The following ZFR variants were observed in gnomAD, a reference collection of about 807,000 sequenced individuals.
The protein encoded by ZFR is zinc finger RNA binding protein, also known as zinc finger RNA-binding protein.
A neutral mutation model predicts 130.7 loss-of-function variants in ZFR; 19 were observed. The observed-to-expected ratio is 0.15, with a 90% CI of 0.10 to 0.21. The LOEUF (loss-of-function observed/expected upper bound fraction) is 0.21, where lower values mean the gene tolerates loss of function less well. Among genes scored for constraint, ZFR ranks in the 10% least tolerant of loss-of-function variants. ZFR has a pLI of 1.00. For missense variants in ZFR, 872 were observed against 1,321.5 expected (o/e 0.66, Z 5.27); for synonymous variants, 466 against 456.9 (o/e 1.02, Z -0.25).
rs750602279 is a variant in ZFR, at chr5:32,403,177, T to A, written c.1445A>T (p.Asn482Ile). The change falls in exon 8 of 20, where the codon AAC (asparagine) becomes ATC (isoleucine). Residue 482 changes from asparagine (N) to isoleucine (I), a missense_variant. Asn to Ile is a moderately radical substitution (Grantham distance 149). Coordinates refer to ENST00000265069, the MANE Select transcript of ZFR (RefSeq NM_016107.5). ...TGNSSLNSTS[N>I]TKVSAVPTNM... ...TGTAGGCACTGCTGATACTTTAGTG[T>A]TAGATGTGCTATTAAGAGACGAGTT... The A allele has an allele frequency of 3.1e-6, 5 of 1,614,084 alleles. No homozygotes were observed. The Admixed American group carries it at 8.3e-5, about 27-fold the overall frequency.
At chr5:32,434,794 TAAAA>T (rs1561927288) in intron 2 of ZFR, among the ~76,000 whole-genome samples, 4 of 152,142 alleles carry the variant, frequency 2.6e-5, no homozygotes. Context: ...CTCTAAGAAA[TAAAA>T]GTCATGGAAT....
chr5:32,411,351 G>A (rs1753703465), intron 5 of ZFR, among the ~76,000 whole-genome samples: 1 of 152,136 alleles, frequency 6.6e-6, no homozygotes. Flanking sequence ...GTCGCTCTCT[G>A]TATCCATCGG....
intron 2 of ZFR, among the ~76,000 whole-genome samples, chr5:32,433,012 A>C (rs1157220509): frequency 6.6e-6 from 1 of 152,062 alleles, no homozygotes; most frequent in African/African-American, 2.4e-5. Flanking sequence ...GATTATAGAC[A>C]TGAACCACTG....
At chr5:32,426,749 A>G (rs1754080720) in intron 2 of ZFR, among the ~76,000 whole-genome samples, 1 of 152,132 alleles carries the variant, frequency 6.6e-6, no homozygotes. Context: ...TAAAACTACA[A>G]TAAATTAGCC....
At chr5:32,431,735 A>G (rs1035236272) in intron 2 of ZFR, among the ~76,000 whole-genome samples, 3 of 151,540 alleles carry the variant, frequency 2.0e-5, no homozygotes, top group Non-Finnish European at 4.4e-5. Context: ...GAAACTACTG[A>G]CATTTAAATG....
At chr5:32,431,147 G>C (rs111287040) in intron 2 of ZFR, among the ~76,000 whole-genome samples, 3 of 152,162 alleles carry the variant, frequency 2.0e-5, no homozygotes, top group African/African-American at 7.2e-5. Context: ...ATTTACTTTA[G>C]AAAGAATAAA....
intron 19 of ZFR, 84 bp downstream of exon 19, chr5:32,363,864 T>G: frequency 1.7e-6 from 2 of 1,147,564 alleles, no homozygotes; most frequent in Non-Finnish European, 2.5e-6. Flanking sequence ...TATAGTGACT[T>G]ATAATATTCC....
intron 17 of ZFR, among the ~76,000 whole-genome samples, chr5:32,370,924 T>C (rs530880278): frequency 6.6e-6 from 1 of 152,348 alleles, no homozygotes; most frequent in South Asian, 2.1e-4. Context: ...ACTTAAGGAT[T>C]TGTTCAAAGT....
At chr5:32,378,970 G>T (rs1227897013) in intron 17 of ZFR, 145 bp downstream of exon 17, 1 of 551,106 alleles carries the variant, frequency 1.8e-6, no homozygotes, top group East Asian at 3.1e-5. Flanking sequence ...AACATTCTAA[G>T]ACTCCCCCAG....
intron 2 of ZFR, among the ~76,000 whole-genome samples, chr5:32,437,545 G>A (rs1581719663): frequency 6.6e-6 from 1 of 152,144 alleles, no homozygotes; most frequent in African/African-American, 2.4e-5. Flanking sequence ...CTGACAGAGT[G>A]GTGTCATGGA....
chr5:32,366,199 A>G (rs145327430), intron 17 of ZFR, among the ~76,000 whole-genome samples: 1 of 152,222 alleles, frequency 6.6e-6, no homozygotes, highest in Admixed American at 6.5e-5. Context: ...ATAAACCAAG[A>G]GTAATAATTA....
chr5:32,418,064 T>C (rs1167128504), intron 3 of ZFR, among the ~76,000 whole-genome samples: 1 of 151,948 alleles, frequency 6.6e-6, no homozygotes, highest in Non-Finnish European at 1.5e-5. Context: ...ATAAAGACCA[T>C]CCTGGCTAAC....
Position 32,438,252 on chromosome 5 carries a change from A to ATTTTTTTTTTT in ZFR, c.137+5976_137+5977insAAAAAAAAAAA, listed in dbSNP as rs1561930577. Among the ~76,000 whole-genome samples, 3 of 83,476 alleles carry ATTTTTTTTTTT rather than the reference A, an allele frequency of 3.6e-5. 1 individual carries two copies. 54.8% of individuals were successfully genotyped at this position (83,476 alleles called of 152,430 possible). ...AAGAATGCTACTGATTTTATCTGAA[A>ATTTTTTTTTTT]ATTTTTTTTTTTTTTTTTTTTTTTT... On this transcript the variant is annotated intron_variant, in intron 2 of 19. Coordinates refer to ENST00000265069, the MANE Select transcript of ZFR (RefSeq NM_016107.5).
At position 32,387,615 on chromosome 5, in the gene ZFR, C is replaced by G; in HGVS notation, c.2433G>C (p.Leu811=). The change falls in exon 14 of 20, where the codon CTG becomes CTC. Residue 811 remains leucine, a synonymous_variant. Transcript: ENST00000265069. ...RGDRNVNLVL[L]CSEKPSKTLL... is the part of the protein sequence containing the mutation. ...ATGTCTTTGAAGGTTTCTCTGAGCA[C>G]AGCAAAACAAGGTTGACATTTCTAT... 1 of 1,613,614 alleles carries G rather than the reference C, an allele frequency of 6.2e-7. No homozygotes were observed. The highest frequency in any genetic ancestry group is 1.1e-5 in the South Asian group (1 of 91,022).
intron 2 of ZFR, among the ~76,000 whole-genome samples, chr5:32,434,965 T>C (rs763400810): frequency 3.9e-5 from 6 of 152,182 alleles, no homozygotes; most frequent in Non-Finnish European, 7.4e-5. Context: ...TCACCCAGGC[T>C]GGAGTGCAGT....
At chr5:32,414,679 T>A (rs1000958770) in intron 5 of ZFR, among the ~76,000 whole-genome samples, 1 of 152,172 alleles carries the variant, frequency 6.6e-6, no homozygotes, top group South Asian at 2.1e-4. Context: ...TAAACAATCC[T>A]GTAGAAAACT....
At chr5:32,377,214 T>TTCTCTCTC (rs143572606) in intron 17 of ZFR, among the ~76,000 whole-genome samples, 9 of 147,420 alleles carry the variant, frequency 6.1e-5, no homozygotes, top group Non-Finnish European at 6.0e-5. Context: ...TTATTTCTCT[T>TTCTCTCTC]TCTCTCTCTC....
intron 17 of ZFR, among the ~76,000 whole-genome samples, chr5:32,372,135 C>T (rs1258134709): frequency 6.6e-6 from 1 of 152,188 alleles, no homozygotes; most frequent in Non-Finnish European, 1.5e-5. Context: ...GCTAACAAGG[C>T]TGCAGGTAGC....
chr5:32,443,254 A>G (rs766591756), intron 2 of ZFR, among the ~76,000 whole-genome samples: 11 of 152,244 alleles, frequency 7.2e-5, no homozygotes, highest in Non-Finnish European at 1.3e-4. Flanking sequence ...AGATTGACTC[A>G]AAAGTAACAA....
Sources: gnomAD v4.1 joint callset for allele counts (sites outside exome capture counted in the v4.1 genomes callset) on GRCh38, gnomAD v4.1.1 for gene constraint, MANE v1.5 for transcripts, NCBI Gene and HGNC (gene_info 2026-07-23, HGNC 2026-07-21) for gene names.